The following GARNL3 variants were observed in gnomAD, a reference collection of about 807,000 sequenced individuals.
The protein encoded by GARNL3 is GTPase-activating Rap/Ran-GAP domain-like protein 3.
A neutral mutation model predicts 125.0 loss-of-function variants in GARNL3; 63 were observed. That is an observed-to-expected ratio of 0.50 (90% CI 0.41 to 0.62). GARNL3 has a LOEUF of 0.62. GARNL3 is among the 20% of genes least tolerant of loss of function. The pLI is 0.00. For missense variants in GARNL3, 994 were observed against 1,244.0 expected (o/e 0.80, Z 3.02); for synonymous variants, 439 against 457.5 (o/e 0.96, Z 0.52).
intron 25 of GARNL3, among the ~76,000 whole-genome samples, chr9:127,388,147 C>T (rs1392530733): frequency 1.3e-5 from 2 of 151,622 alleles, no homozygotes; most frequent in Non-Finnish European, 2.9e-5. Context: ...GACCCTGTCT[C>T]TACAAAAACT....
At chr9:127,388,831 A>G in intron 25 of GARNL3, 73 bp from the exon 26 acceptor site, 1 of 938,624 alleles carries the variant, frequency 1.1e-6, no homozygotes, top group Non-Finnish European at 1.8e-6. Flanking sequence ...GTTAAGGAAC[A>G]AGAAATTACT....
At chr9:127,228,655 T>A (rs1449756588) in intron 1 of GARNL3, among the ~76,000 whole-genome samples, 1 of 152,238 alleles carries the variant, frequency 6.6e-6, no homozygotes, top group Non-Finnish European at 1.5e-5. Context: ...AAGCACTTTT[T>A]ATTTATTTAT....
upstream of GARNL3, among the ~76,000 whole-genome samples, chr9:127,260,958 T>A (rs2063576189): frequency 6.6e-6 from 1 of 152,208 alleles, no homozygotes; most frequent in Non-Finnish European, 1.5e-5. Flanking sequence ...TACTCCTGGT[T>A]AGAATCTTCT....
At chr9:127,293,097 T>G (rs1320286540) in intron 2 of GARNL3, among the ~76,000 whole-genome samples, 1 of 152,190 alleles carries the variant, frequency 6.6e-6, no homozygotes, top group Non-Finnish European at 1.5e-5. Context: ...CTGTTTTGTA[T>G]TGGTGGTCTT....
intron 4 of GARNL3, among the ~76,000 whole-genome samples, chr9:127,316,379 C>CA (rs142330723): frequency 1.8e-3 from 261 of 145,166 alleles, no homozygotes; most frequent in African/African-American, 2.9e-3. Flanking sequence ...CTGCCTGCTA[C>CA]AAAAAAAAAA....
At chr9:127,381,629 C>T (rs1832262601) in intron 22 of GARNL3, among the ~76,000 whole-genome samples, 2 of 152,102 alleles carry the variant, frequency 1.3e-5, no homozygotes, top group South Asian at 4.1e-4. Context: ...TGGAGTCTCG[C>T]TGTGTCACCC....
upstream of GARNL3, chr9:127,263,657 A>C: frequency 9.5e-7 from 1 of 1,057,710 alleles, no homozygotes; most frequent in Non-Finnish European, 1.1e-6. Flanking sequence ...GTAGAAAATC[A>C]TATCACTAGA....
intron 25 of GARNL3, chr9:127,388,538 A>T (rs1384489502): frequency 6.7e-6 from 2 of 299,310 alleles, no homozygotes; most frequent in South Asian, 6.4e-5. Context: ...TGGTTACCTC[A>T]TCGCTTTGAA....
At chr9:127,328,807 T>C (rs62578847) in intron 7 of GARNL3, among the ~76,000 whole-genome samples, 21,267 of 152,272 alleles carry the variant, frequency 0.14, 1,892 homozygotes, top group East Asian at 0.22. Context: ...TGACTGCCTG[T>C]TGGTTTGTAA....
chr9:127,369,068 G>A (rs1186613624), intron 22 of GARNL3: 3 of 150,326 alleles, frequency 2.0e-5, no homozygotes, highest in South Asian at 4.2e-4. Flanking sequence ...CGGTATCTTC[G>A]TGCAGCTTTC....
chr9:127,390,894 G>A (rs974497611), intron 27 of GARNL3, 127 bp downstream of exon 27: 2 of 943,344 alleles, frequency 2.1e-6, no homozygotes, highest in South Asian at 1.6e-5. Flanking sequence ...AGGGCCAGCA[G>A]CCTGTTCCTC....
chr9:127,251,471 CT>C (rs1327301913), intron 2 of GARNL3, among the ~76,000 whole-genome samples: 2 of 152,062 alleles, frequency 1.3e-5, no homozygotes, highest in Non-Finnish European at 2.9e-5. Flanking sequence ...TTTAGAAAAT[CT>C]TTCAAAAATA....
intron 24 of GARNL3, 87 bp from the exon 25 acceptor site, chr9:127,387,106 G>T: frequency 7.2e-7 from 1 of 1,385,112 alleles, no homozygotes; most frequent in Non-Finnish European, 1.0e-6. Context: ...GGGACCAGTT[G>T]GAGGGTTTGC....
intron 1 of GARNL3, among the ~76,000 whole-genome samples, chr9:127,225,810 C>CTCG (rs2131113514): frequency 2.8e-4 from 1 of 3,532 alleles, no homozygotes; most frequent in South Asian, 0.013. Flanking sequence ...GGCCCCCGCG[C>CTCG]CCCTCGCGCC....
At chr9:127,244,081 T>G (rs1004960575) in intron 2 of GARNL3, among the ~76,000 whole-genome samples, 6 of 152,220 alleles carry the variant, frequency 3.9e-5, no homozygotes, top group Admixed American at 1.3e-4. Flanking sequence ...AGTGGGACTT[T>G]AAAAATCATT....
chr9:127,357,353 G>A lies in GARNL3; in HGVS notation c.2070G>A (p.Arg690=). The A allele has an allele frequency of 6.2e-7, 1 of 1,614,022 alleles. No individual in the cohort carries two copies. The highest frequency in any genetic ancestry group is 8.5e-7 in the Non-Finnish European group (1 of 1,180,034). ...VVNESTGEAF[R]LHHVEANRVN... is the part of the protein sequence containing the mutation. The stretch of plus-strand genomic sequence containing the variant: ...ATGAGAGCACAGGAGAAGCCTTCAG[G>A]CTGCACCACGTGGAGGCCAACAGGG... Residue 690 remains arginine, a synonymous_variant, in exon 21 of 28, where the codon AGG becomes AGA. Transcript: ENST00000373387.
intron 2 of GARNL3, among the ~76,000 whole-genome samples, chr9:127,293,620 G>A (rs1265402417): frequency 6.6e-6 from 1 of 151,976 alleles, no homozygotes; most frequent in Non-Finnish European, 1.5e-5. Context: ...TTTAAACATA[G>A]TGTAATGGTT....
At chr9:127,296,300 G>T (rs2812276) in intron 2 of GARNL3, among the ~76,000 whole-genome samples, 123,738 of 151,802 alleles carry the variant, frequency 0.82, 51,059 homozygotes, top group African/African-American at 0.94. Flanking sequence ...AAGAACCAAA[G>T]GGAAGAGATG....
chr9:127,307,234 A>G (rs1404166639), intron 2 of GARNL3, among the ~76,000 whole-genome samples: 1 of 152,212 alleles, frequency 6.6e-6, no homozygotes, highest in African/African-American at 2.4e-5. Flanking sequence ...ATTGTTTCTC[A>G]AAGTTCAGTT....
Sources: gnomAD v4.1 joint callset for allele counts (sites outside exome capture counted in the v4.1 genomes callset) on GRCh38, gnomAD v4.1.1 for gene constraint, MANE v1.5 for transcripts, NCBI Gene and HGNC (gene_info 2026-07-23, HGNC 2026-07-21) for gene names.